The following TTC3 variants were observed in gnomAD, a reference collection of about 807,000 sequenced individuals.
TTC3 encodes tetratricopeptide repeat domain 3.
A neutral mutation model predicts 249.6 loss-of-function variants in TTC3; 180 were observed. The ratio of observed to expected loss-of-function variants is 0.72; its 90% CI spans 0.64 to 0.82. The LOEUF is 0.82. Ranked by LOEUF, TTC3 falls within the 40% of genes least tolerant of loss-of-function variation. The probability of loss-of-function intolerance (pLI) is 0.00; values close to 1 mark genes in which losing one functional copy is unlikely to be tolerated. For missense variants in TTC3, 2,061 were observed against 2,398.4 expected (o/e 0.86, Z 2.94); for synonymous variants, 717 against 805.0 (o/e 0.89, Z 1.85).
chr21:37,168,004 T>C (rs2081397883), intron 34 of TTC3, among the ~76,000 whole-genome samples: 1 of 152,112 alleles, frequency 6.6e-6, no homozygotes, highest in African/African-American at 2.4e-5. Flanking sequence ...ATGCGAATAA[T>C]ACAGAAAGAT....
chr21:37,082,875 C>T, intron 1 of TTC3: 7 of 974,638 alleles, frequency 7.2e-6, no homozygotes, highest in Non-Finnish European at 8.5e-6. Flanking sequence ...TTTATGGTAC[C>T]AAGCAAGCTT....
At chr21:37,189,392 C>T (rs796822234) in intron 39 of TTC3, among the ~76,000 whole-genome samples, 14 of 151,838 alleles carry the variant, frequency 9.2e-5, no homozygotes, top group African/African-American at 2.9e-4. Flanking sequence ...ATTACAGGCG[C>T]GTGCCACATG....
exon 46 of TTC3, chr21:37,202,614 C>T (rs2085597855): frequency 6.6e-6 from 1 of 152,218 alleles, no homozygotes; most frequent in Admixed American, 6.5e-5. Context: ...GACCTAAGAA[C>T]AAAACTGTAA....
chr21:37,111,961 C>T (rs1171584003), intron 11 of TTC3, among the ~76,000 whole-genome samples: 3 of 40,460 alleles, frequency 7.4e-5, no homozygotes, highest in African/African-American at 4.3e-4. Context: ...TGGGTACTTA[C>T]GAAATGAAGG....
chr21:37,174,686 G>A (rs73204059), intron 35 of TTC3, among the ~76,000 whole-genome samples: 19,028 of 152,118 alleles, frequency 0.13, 1,343 homozygotes, highest in Admixed American at 0.16. Context: ...AGAAATCTGA[G>A]TGCATTAGAG....
chr21:37,158,819 A>G (rs1371982099), intron 28 of TTC3, among the ~76,000 whole-genome samples: 1 of 152,118 alleles, frequency 6.6e-6, no homozygotes, highest in Non-Finnish European at 1.5e-5. Context: ...TTTGTCATCA[A>G]TCCAAATGAG....
At chr21:37,123,744 A>ATT (rs575866108) in intron 13 of TTC3, among the ~76,000 whole-genome samples, 3 of 145,606 alleles carry the variant, frequency 2.1e-5, no homozygotes, top group South Asian at 4.4e-4. Context: ...GGTCATAGGT[A>ATT]TTTTTTTTTT....
rs1401377589 is a variant in TTC3, at chr21:37,200,384, A to AT, written c.5943+61dup. 3.3e-6 allele frequency: 5 copies of AT among 1,526,594 alleles called. No homozygotes were observed. The East Asian group carries it at 9.0e-5, about 28-fold the overall frequency. 94.6% of individuals were successfully genotyped at this position (1,526,594 alleles called of 1,614,324 possible). A position where few individuals can be genotyped will look rare whatever the true frequency, so the allele number is the denominator to read the frequency against. ...ATTGGGACCTTCAAATATTTTCAAA[A>AT]TAAGAAAGGAATTGTTTTCTAGTCA... On this transcript the variant is annotated intron_variant, in intron 45 of 45. Transcript: ENST00000355666.
At chr21:37,135,623 G>A (rs2077863209) in intron 18 of TTC3, 109 bp downstream of exon 18, 1 of 1,313,094 alleles carries the variant, frequency 7.6e-7, no homozygotes, top group East Asian at 2.6e-5. Context: ...AGACCTTGCT[G>A]AGATTGGCTG....
At chr21:37,097,112 T>A (rs2074018843) in intron 10 of TTC3, among the ~76,000 whole-genome samples, 1 of 152,184 alleles carries the variant, frequency 6.6e-6, no homozygotes, top group African/African-American at 2.4e-5. Flanking sequence ...GTATAAAAAA[T>A]TAAGTAAATA....
rs1415879417 is a variant in TTC3, at chr21:37,144,601, AC to A, written c.1850del (p.Thr617ArgfsTer4). 6.2e-7 allele frequency: 1 copy of A among 1,612,372 alleles called. No homozygotes were observed. The highest frequency in any genetic ancestry group is 1.3e-5 in the African/African-American group (1 of 74,888). ...TCTTCCTGGAGTGTTAACTTGGCCC[AC>A]GAGTAATGTGATTATTGAAGAGTCT... On this transcript the variant is annotated frameshift_variant, in exon 21 of 46. Coordinates refer to ENST00000355666, the Ensembl canonical transcript of TTC3. LOFTEE classifies it high-confidence loss of function.
intron 35 of TTC3, among the ~76,000 whole-genome samples, chr21:37,176,428 A>G (rs2082291110): frequency 6.6e-6 from 1 of 152,218 alleles, no homozygotes; most frequent in South Asian, 2.1e-4. Flanking sequence ...TAAAATGGGC[A>G]TTGAGTCAAC....
At chr21:37,143,184 G>A (rs1854925622) in intron 20 of TTC3, among the ~76,000 whole-genome samples, 1 of 152,150 alleles carries the variant, frequency 6.6e-6, no homozygotes, top group African/African-American at 2.4e-5. Flanking sequence ...ACATAGGCAT[G>A]GGTAAGGACT....
exon 33 of TTC3, chr21:37,166,050 C>T (rs1225543457): frequency 1.2e-6 from 2 of 1,614,178 alleles, no homozygotes; most frequent in Non-Finnish European, 1.7e-6. Flanking sequence ...TCTAATTCTC[C>T]TAAACCAGGC....
intron 17 of TTC3, 61 bp from the exon 18 acceptor site, chr21:37,135,319 T>C: frequency 6.5e-7 from 1 of 1,536,424 alleles, no homozygotes; most frequent in South Asian, 1.2e-5. Flanking sequence ...ACTTGGCATC[T>C]TAGGTTTTAA....
Position 37,115,189 on chromosome 21 carries a change from A to AATAAT in TTC3, c.901-6626_901-6622dup, listed in dbSNP as rs1035537407. On this transcript the variant is annotated intron_variant, in intron 11 of 45. Coordinates refer to ENST00000355666, the Ensembl canonical transcript of TTC3. ...AAACTTAAAGTATAATAATAATAAT[A>AATAAT]ATAATAATAATAAAGAAACTATTTC... Among the ~76,000 whole-genome samples the AATAAT allele has an allele frequency of 5.4e-5, 8 of 149,424 alleles. 1 individual carries two copies. In the Admixed American group the frequency reaches 5.4e-4, roughly 10 times the overall value.
intron 35 of TTC3, 31 bp downstream of exon 35, chr21:37,172,775 C>T (rs2148111684): frequency 6.2e-7 from 1 of 1,610,106 alleles, no homozygotes; most frequent in East Asian, 2.2e-5. Context: ...TCTTTAATTG[C>T]ATGTAGCATA....
chr21:37,177,094 TC>T, intron 35 of TTC3, among the ~76,000 whole-genome samples: 1 of 151,882 alleles, frequency 6.6e-6, no homozygotes, highest in Admixed American at 6.6e-5. Flanking sequence ...CTCTGCAGCA[TC>T]TTTGCTGTTC....
chr21:37,137,586 A>G lies in TTC3; in HGVS notation c.1579-1048A>G, dbSNP rs1174185913. ...GTTGCTTTTTATACATGAACAAAAA[A>G]AGTCATTTCTTGAAATGGAATCTAC... On this transcript the variant is annotated intron_variant, in intron 18 of 45. Transcript: ENST00000355666. Among the ~76,000 whole-genome samples, 3 of 152,184 alleles carry G rather than the reference A, an allele frequency of 2.0e-5. No homozygotes were observed. In the East Asian group the frequency reaches 5.8e-4, roughly 29 times the overall value.
Sources: gnomAD v4.1 joint callset for allele counts (sites outside exome capture counted in the v4.1 genomes callset) on GRCh38, gnomAD v4.1.1 for gene constraint, MANE v1.5 for transcripts, NCBI Gene and HGNC (gene_info 2026-07-23, HGNC 2026-07-21) for gene names.